The following AKT3 variants were observed in gnomAD, a reference collection of about 807,000 sequenced individuals.
AKT3 encodes RAC-gamma serine/threonine-protein kinase.
Under a neutral mutation model 65.3 loss-of-function variants are expected in AKT3, and 15 were observed. That is an observed-to-expected ratio of 0.23 (90% CI 0.15 to 0.35). The LOEUF is 0.35. Among genes scored for constraint, AKT3 ranks in the 10% least tolerant of loss-of-function variants. AKT3 has a pLI of 1.00. For synonymous variants in AKT3, 206 were observed against 183.8 expected (o/e 1.12, Z -0.98); for missense variants, 243 against 576.5 (o/e 0.42, Z 5.92).
At position 243,505,215 on chromosome 1, in the gene AKT3, GA is replaced by G; in HGVS notation, c.*33del. 6.4e-7 allele frequency: 1 copy of G among 1,564,256 alleles called. No individual in the cohort carries two copies. Among genetic ancestry groups the G allele is most frequent in the South Asian group, 1.1e-5 (1 of 89,712 alleles). ...CAGGAATCATTTTCAGTAATAAATTGAAGATGACAGTGAAGTAGCAGAATGA... is the reference window on the plus strand; with the variant it reads ...CAGGAATCATTTTCAGTAATAAATTGAGATGACAGTGAAGTAGCAGAATGA... On this transcript the variant is annotated 3_prime_UTR_variant, in exon 14 of 14. Transcript: ENST00000673466.
intron 3 of AKT3, among the ~76,000 whole-genome samples, chr1:243,666,294 G>A (rs1047646554): frequency 1.3e-5 from 2 of 152,074 alleles, no homozygotes; most frequent in Admixed American, 6.6e-5. Flanking sequence ...TTGATCCACC[G>A]TATCCAGCCC....
intron 2 of AKT3, among the ~76,000 whole-genome samples, chr1:243,715,585 A>G (rs1034047914): frequency 7.9e-5 from 12 of 152,134 alleles, no homozygotes; most frequent in African/African-American, 2.9e-4. Context: ...GTGTTAAACA[A>G]AAAATGGGAT....
chr1:243,730,927 G>A (rs1459018427), intron 2 of AKT3, among the ~76,000 whole-genome samples: 2 of 152,204 alleles, frequency 1.3e-5, no homozygotes, highest in Non-Finnish European at 2.9e-5. Flanking sequence ...CAGCTGGCCG[G>A]ACCCTGTGTT....
intron 9 of AKT3, 52 bp downstream of exon 9, chr1:243,572,874 T>C (rs1233593833): frequency 2.0e-6 from 3 of 1,520,436 alleles, no homozygotes; most frequent in Non-Finnish European, 2.7e-6. Flanking sequence ...TTTATGTTTG[T>C]CCCTATAGTC....
chr1:243,741,642 T>C (rs149439087), intron 2 of AKT3: 6 of 152,188 alleles, frequency 3.9e-5, no homozygotes, highest in Admixed American at 2.0e-4. Flanking sequence ...ACCAGCTTTG[T>C]TCCATTTAAG....
chr1:243,723,923 A>C (rs1687062122), intron 2 of AKT3, among the ~76,000 whole-genome samples: 1 of 152,202 alleles, frequency 6.6e-6, no homozygotes, highest in Non-Finnish European at 1.5e-5. Context: ...GTCTGGGGAA[A>C]AAAAGGTGTT....
chr1:243,650,336 T>A (rs1034636379), intron 4 of AKT3, among the ~76,000 whole-genome samples: 15 of 152,332 alleles, frequency 9.8e-5, no homozygotes, highest in Admixed American at 3.3e-4. Flanking sequence ...ATTGCAAAAA[T>A]TTTCTCCCAT....
chr1:243,677,337 G>A (rs1395365649), intron 3 of AKT3, among the ~76,000 whole-genome samples: 1 of 152,074 alleles, frequency 6.6e-6, no homozygotes, highest in Non-Finnish European at 1.5e-5. Context: ...TTATTTGACT[G>A]TTTTGAGTGG....
intron 13 of AKT3, among the ~76,000 whole-genome samples, chr1:243,507,080 C>CA (rs1343682504): frequency 6.6e-6 from 1 of 152,238 alleles, no homozygotes; most frequent in Non-Finnish European, 1.5e-5. Flanking sequence ...TTATTTTACT[C>CA]AGTGTTTCTG....
At chr1:243,650,541 T>C (rs1681227598) in intron 4 of AKT3, among the ~76,000 whole-genome samples, 1 of 152,204 alleles carries the variant, frequency 6.6e-6, no homozygotes, top group Non-Finnish European at 1.5e-5. Flanking sequence ...TGGTTTTAGG[T>C]CTTACATTTA....
intron 2 of AKT3, among the ~76,000 whole-genome samples, chr1:243,798,811 G>A (rs1349110543): frequency 9.2e-5 from 14 of 152,080 alleles, no homozygotes; most frequent in Admixed American, 8.5e-4. Context: ...CCACACTGGC[G>A]AATATGGTCA....
At chr1:243,791,363 G>A (rs1480947971) in intron 2 of AKT3, among the ~76,000 whole-genome samples, 1 of 151,830 alleles carries the variant, frequency 6.6e-6, no homozygotes, top group African/African-American at 2.4e-5. Context: ...GGGTATGAGA[G>A]GCGAACTGCA....
chr1:243,508,391 GGCT>G (rs1460414886), intron 13 of AKT3, among the ~76,000 whole-genome samples: 1 of 152,230 alleles, frequency 6.6e-6, no homozygotes. Context: ...CAGCAGGAGA[GGCT>G]GCTGAACAGA....
intron 1 of AKT3, among the ~76,000 whole-genome samples, chr1:243,849,107 A>G (rs1302235255): frequency 4.6e-5 from 7 of 152,228 alleles, no homozygotes; most frequent in Admixed American, 2.6e-4. Context: ...GTCAGGGTCA[A>G]CACAGCAACC....
chr1:243,770,044 A>G (rs1690079462), intron 2 of AKT3, among the ~76,000 whole-genome samples: 1 of 152,216 alleles, frequency 6.6e-6, no homozygotes, highest in African/African-American at 2.4e-5. Context: ...GGGTTGTCCC[A>G]TCATCATTTC....
intron 8 of AKT3, among the ~76,000 whole-genome samples, chr1:243,608,293 A>C (rs1483343888): frequency 6.6e-6 from 1 of 152,212 alleles, no homozygotes; most frequent in African/African-American, 2.4e-5. Context: ...AACACATAAA[A>C]ATCACAAGCA....
intron 6 of AKT3, among the ~76,000 whole-genome samples, chr1:243,624,355 T>C (rs775368561): frequency 1.3e-5 from 2 of 152,172 alleles, no homozygotes; most frequent in Non-Finnish European, 2.9e-5. Flanking sequence ...AAATACACAA[T>C]CCACTGGTAA....
intron 8 of AKT3, among the ~76,000 whole-genome samples, chr1:243,603,894 CTTTTT>C (rs566682027): frequency 5.4e-5 from 7 of 129,940 alleles, no homozygotes; most frequent in Non-Finnish European, 8.1e-5. Context: ...AATTAATAAT[CTTTTT>C]TTTTTTTTTT....
chr1:243,691,290 A>G lies in AKT3; in HGVS notation c.172+4301T>C, dbSNP rs147538226. 1.1e-3 allele frequency among the ~76,000 whole-genome samples: 172 copies of G among 152,318 alleles called. 2 individuals carry two copies. The highest frequency in any genetic ancestry group is 2.9e-5 in the Non-Finnish European group (2 of 68,030). ...TGTAGAGCAGAAGAGAGATCCTGCA[A>G]GAGTTGAAAGTAGAGGCCAGATTGA... is the stretch of plus-strand genomic sequence containing the variant. On this transcript the variant is annotated intron_variant, in intron 3 of 13. Coordinates refer to ENST00000673466, the MANE Select transcript of AKT3 (RefSeq NM_005465.7).
Sources: allele counts gnomAD v4.1 joint callset (sites outside exome capture counted in the v4.1 genomes callset), GRCh38; gene constraint gnomAD v4.1.1; transcripts MANE v1.5; gene names NCBI Gene and HGNC (gene_info 2026-07-23, HGNC 2026-07-21).